OR2L13: variants seen among roughly 807,000 people sequenced by gnomAD.
OR2L13 encodes the protein olfactory receptor 2L13.
Under a neutral mutation model 15.3 loss-of-function variants are expected in OR2L13, and 14 were observed. That is an observed-to-expected ratio of 0.91 (90% confidence interval 0.60 to 1.43). The LOEUF is 1.43. Ranked by LOEUF, OR2L13 falls within the 40% of genes most tolerant of loss-of-function variation. OR2L13 has a pLI of 0.00. For synonymous variants in OR2L13, 152 were observed against 142.9 expected (o/e 1.06, Z -0.45); for missense variants, 367 against 387.9 (o/e 0.95, Z 0.45).
chr1:247,983,118 G>A, the OR2L13 span, among the ~76,000 whole-genome samples: 8 of 152,164 alleles, frequency 5.3e-5, no homozygotes, highest in African/African-American at 1.9e-4. Flanking sequence ...ATGTGTATGT[G>A]TGTTTGTGTG....
chr1:248,085,791 A>G, the OR2L13 span, among the ~76,000 whole-genome samples: 68 of 152,274 alleles, frequency 4.5e-4, no homozygotes, highest in African/African-American at 1.5e-3. Context: ...TTTTGGGATG[A>G]TACTGTTTCA....
chr1:248,064,735 G>C, the OR2L13 span, among the ~76,000 whole-genome samples: 1 of 152,078 alleles, frequency 6.6e-6, no homozygotes, highest in Non-Finnish European at 1.5e-5. Flanking sequence ...AAACAATATG[G>C]ATGCCTTTAT....
At chr1:248,092,201 A>T (rs1664611976), upstream of OR2L13, among the ~76,000 whole-genome samples, 2 of 152,182 alleles carry the variant, frequency 1.3e-5, no homozygotes, top group Admixed American at 1.3e-4. Flanking sequence ...TTTTCCAGAT[A>T]TAGAATGGTA....
At chr1:248,011,515 G>A in the OR2L13 span, among the ~76,000 whole-genome samples, 2 of 152,088 alleles carry the variant, frequency 1.3e-5, no homozygotes, top group African/African-American at 2.4e-5. Context: ...GGTTGGGGAA[G>A]TTCTCCTGGA....
At chr1:247,958,315 T>C in the OR2L13 span, among the ~76,000 whole-genome samples, 1 of 152,228 alleles carries the variant, frequency 6.6e-6, no homozygotes, top group Non-Finnish European at 1.5e-5. Flanking sequence ...GACAGTTTGT[T>C]ATAATTTCTG....
chr1:248,005,438 T>C, the OR2L13 span, among the ~76,000 whole-genome samples: 270 of 152,342 alleles, frequency 1.8e-3, 3 homozygotes, highest in East Asian at 0.032. Flanking sequence ...CATTCTGTTT[T>C]GGTTATTCCA....
At chr1:247,975,527 A>G in the OR2L13 span, 1 of 1,101,022 alleles carries the variant, frequency 9.1e-7, no homozygotes, top group East Asian at 2.4e-5. Context: ...TCTCCAACAG[A>G]GGACAAGGTT....
chr1:248,099,942 A>G (rs1664819978), exon 3 of OR2L13: 1 of 1,613,994 alleles, frequency 6.2e-7, no homozygotes, highest in African/African-American at 1.3e-5. Context: ...TTGCCTGTAC[A>G]GATACTTGGG....
the OR2L13 span, chr1:247,975,740 C>T: frequency 1.0e-5 from 5 of 477,056 alleles, no homozygotes; most frequent in Non-Finnish European, 1.8e-5. Context: ...AATAATATTC[C>T]ATGCCAGGAG....
At chr1:248,025,814 T>C in the OR2L13 span, among the ~76,000 whole-genome samples, 2 of 151,742 alleles carry the variant, frequency 1.3e-5, no homozygotes, top group African/African-American at 2.4e-5. Flanking sequence ...ATGGGTGAAA[T>C]TGGAAATCAT....
the OR2L13 span, among the ~76,000 whole-genome samples, chr1:248,024,605 A>G: frequency 6.6e-6 from 1 of 152,168 alleles, no homozygotes; most frequent in Non-Finnish European, 1.5e-5. Context: ...GAAGGGATCC[A>G]GTTTCAGCTT....
chr1:247,942,031 C>T, the OR2L13 span, among the ~76,000 whole-genome samples: 2 of 152,110 alleles, frequency 1.3e-5, no homozygotes, highest in Non-Finnish European at 2.9e-5. Flanking sequence ...GACTGGCTTT[C>T]AGATACACAC....
the OR2L13 span, among the ~76,000 whole-genome samples, chr1:247,951,707 A>G: frequency 6.6e-6 from 1 of 152,190 alleles, no homozygotes; most frequent in Non-Finnish European, 1.5e-5. Context: ...AACAATGTTT[A>G]CTGCTAATCT....
At chr1:248,073,353 T>A in the OR2L13 span, among the ~76,000 whole-genome samples, 8 of 152,138 alleles carry the variant, frequency 5.3e-5, no homozygotes, top group African/African-American at 1.7e-4. Flanking sequence ...GGAAATCATC[T>A]TTCTCAGTAA....
the OR2L13 span, among the ~76,000 whole-genome samples, chr1:247,967,931 CTTCT>C: frequency 1.1e-4 from 17 of 151,386 alleles, no homozygotes; most frequent in South Asian, 1.0e-3. Flanking sequence ...TTCCTTCTTT[CTTCT>C]TTCTTTCTTC....
chr1:248,058,469 C>A, the OR2L13 span, among the ~76,000 whole-genome samples: 9,537 of 152,066 alleles, frequency 0.063, 323 homozygotes, highest in East Asian at 0.11. Flanking sequence ...TTGACAACAT[C>A]ATTTCATCTT....
chr1:247,951,632 G>A, the OR2L13 span, among the ~76,000 whole-genome samples: 2 of 152,184 alleles, frequency 1.3e-5, no homozygotes, highest in Admixed American at 1.3e-4. Context: ...TTATGAATCA[G>A]AGTAAGTCCT....
At chr1:247,957,790 AC>A in the OR2L13 span, among the ~76,000 whole-genome samples, 1 of 151,646 alleles carries the variant, frequency 6.6e-6, no homozygotes, top group Non-Finnish European at 1.5e-5. Flanking sequence ...GTGGTGATAT[AC>A]CCTTTATCAT....
the OR2L13 span, among the ~76,000 whole-genome samples, chr1:248,073,379 A>T: frequency 6.6e-6 from 1 of 152,104 alleles, no homozygotes; most frequent in Non-Finnish European, 1.5e-5. Flanking sequence ...CGCAAGGACA[A>T]AAAACCAAAT....
Sources: allele counts gnomAD v4.1 joint callset (sites outside exome capture counted in the v4.1 genomes callset), GRCh38; gene constraint gnomAD v4.1.1; transcripts MANE v1.5; gene names NCBI Gene and HGNC (gene_info 2026-07-23, HGNC 2026-07-21).